The following STARD13 variants were observed in gnomAD, a reference collection of about 807,000 sequenced individuals.
STARD13 encodes StAR related lipid transfer domain containing 13.
In STARD13, 62 loss-of-function variants were observed where a neutral mutation model predicts 106.4. That is an observed-to-expected ratio of 0.58 (90% confidence interval 0.48 to 0.72). The LOEUF (loss-of-function observed/expected upper bound fraction) is 0.72, where lower values mean the gene tolerates loss of function less well. STARD13 is among the 30% of genes least tolerant of loss of function. STARD13 has a pLI of 0.00. For missense variants in STARD13, 1,387 were observed against 1,424.0 expected (o/e 0.97, Z 0.42); for synonymous variants, 565 against 553.0 (o/e 1.02, Z -0.31).
chr13:33,652,570 C>T, the STARD13 span, among the ~76,000 whole-genome samples: 1 of 152,150 alleles, frequency 6.6e-6, no homozygotes, highest in African/African-American at 2.4e-5. Flanking sequence ...GCTATAAAAA[C>T]ACATGAATTC....
At position 33,117,815 on chromosome 13, in the gene STARD13, C is replaced by T. The variant is rs967657740; in HGVS notation, c.2281+250G>A. 22 of 982,732 alleles carry T rather than the reference C, an allele frequency of 2.2e-5. No individual in the cohort carries two copies. In the African/African-American group the frequency reaches 2.6e-4, roughly 12 times the overall value. 60.9% of individuals were successfully genotyped at this position (982,732 alleles called of 1,614,324 possible). Reference sequence around the variant, plus strand: ...AATGTATTGAAAGTTTGTTTTAGATCATACACAAAACTCTTTTGAGAAGGA... The same window carrying T: ...AATGTATTGAAAGTTTGTTTTAGATTATACACAAAACTCTTTTGAGAAGGA... On this transcript the variant is annotated intron_variant, in intron 8 of 13. Transcript: ENST00000336934.
At chr13:33,128,315 G>A (rs1877554001) in intron 5 of STARD13, among the ~76,000 whole-genome samples, 1 of 152,154 alleles carries the variant, frequency 6.6e-6, no homozygotes, top group Non-Finnish European at 1.5e-5. Flanking sequence ...TTGAGATGGA[G>A]CCCGAAGATG....
the STARD13 span, among the ~76,000 whole-genome samples, chr13:33,481,129 A>T: frequency 6.6e-6 from 1 of 152,144 alleles, no homozygotes; most frequent in African/African-American, 2.4e-5. Flanking sequence ...ATTTTGAAAA[A>T]TGGTAAATGA....
intron 1 of STARD13, among the ~76,000 whole-genome samples, chr13:33,308,516 CTTTCT>C (rs1893002223): frequency 1.1e-5 from 1 of 90,812 alleles, no homozygotes; most frequent in African/African-American, 3.5e-5. Flanking sequence ...TTTTCTTTTT[CTTTCT>C]TTTTTTTTTT....
chr13:33,511,980 C>A, the STARD13 span, among the ~76,000 whole-genome samples: 1 of 152,132 alleles, frequency 6.6e-6, no homozygotes, highest in Non-Finnish European at 1.5e-5. Context: ...AGCTCAGAGG[C>A]ACTTGTTTAA....
chr13:33,370,603 C>CT, the STARD13 span, among the ~76,000 whole-genome samples: 14 of 144,864 alleles, frequency 9.7e-5, no homozygotes, highest in East Asian at 2.2e-3. Context: ...CTTTTCTTTT[C>CT]TTTCTTTCTT....
chr13:33,542,111 T>C, the STARD13 span, among the ~76,000 whole-genome samples: 1 of 152,206 alleles, frequency 6.6e-6, no homozygotes, highest in African/African-American at 2.4e-5. Context: ...GAAGACATGC[T>C]TTCTTAAATA....
At chr13:33,188,727 A>T (rs916068677) in intron 1 of STARD13, among the ~76,000 whole-genome samples, 1 of 152,228 alleles carries the variant, frequency 6.6e-6, no homozygotes, top group African/African-American at 2.4e-5. Context: ...AAATGCATTG[A>T]AAAAGCAGTT....
the STARD13 span, among the ~76,000 whole-genome samples, chr13:33,461,212 CT>C: frequency 1.3e-5 from 2 of 152,276 alleles, no homozygotes; most frequent in African/African-American, 4.8e-5. Context: ...AAATTGTACA[CT>C]TTAAATATGT....
chr13:33,248,477 G>A lies in STARD13; in HGVS notation c.169+36993C>T, dbSNP rs573257160. Among the ~76,000 whole-genome samples the A allele has an allele frequency of 1.2e-4, 19 of 152,344 alleles. No individual in the cohort carries two copies. The East Asian group carries it at 3.7e-3, about 29-fold the overall frequency. ...GGCATGTGAGAGCATTAAGAGATTT[G>A]TGAGCTGTAGCTTCCAGTGTTACCT... On this transcript the variant is annotated intron_variant, in intron 1 of 13. Transcript: ENST00000336934.
rs749453297 is a variant in STARD13 at position 33,129,346 on chromosome 13, G to C, written c.1331C>G (p.Pro444Arg). ...GREQVPGARE[P>R]RLMASCHRAS... ...TCTGTGGCAGGACGCCATGAGCCGG[G>C]GCTCCCTGGCACCAGGGACCTGCTC... Residue 444 changes from proline to arginine, a missense_variant, in exon 5 of 14, where the codon CCC (proline) becomes CGC (arginine). By Grantham distance (103) the Pro-to-Arg change is moderately radical (BLOSUM62 -2). Transcript: ENST00000336934. 6.2e-7 allele frequency: 1 copy of C among 1,614,144 alleles called. No individual in the cohort carries two copies. The highest frequency in any genetic ancestry group is 8.5e-7 in the Non-Finnish European group (1 of 1,180,030).
chr13:33,589,015 A>G, the STARD13 span, among the ~76,000 whole-genome samples: 60 of 152,174 alleles, frequency 3.9e-4, no homozygotes, highest in African/African-American at 1.1e-3. Flanking sequence ...TTTGCTTACT[A>G]TTCTCTAAAC....
chr13:33,188,734 A>C (rs1397790315), intron 1 of STARD13, among the ~76,000 whole-genome samples: 1 of 152,256 alleles, frequency 6.6e-6, no homozygotes, highest in Non-Finnish European at 1.5e-5. Context: ...TTGAAAAAGC[A>C]GTTTGGAGTG....
At chr13:33,293,199 C>G (rs1262726536) in intron 1 of STARD13, among the ~76,000 whole-genome samples, 1 of 152,108 alleles carries the variant, frequency 6.6e-6, no homozygotes, top group African/African-American at 2.4e-5. Context: ...CATATGTATT[C>G]GCTCATGGAC....
chr13:33,530,796 ATTC>A, the STARD13 span, among the ~76,000 whole-genome samples: 1 of 152,194 alleles, frequency 6.6e-6, no homozygotes, highest in African/African-American at 2.4e-5. Context: ...TGATATGTTA[ATTC>A]TTTTTTCATC....
chr13:33,113,671 G>T, intron 8 of STARD13: 1 of 455,014 alleles, frequency 2.2e-6, no homozygotes, highest in South Asian at 1.6e-5. Flanking sequence ...TGGAGAAGAA[G>T]AACCAGGCAG....
At chr13:33,458,652 A>C in the STARD13 span, among the ~76,000 whole-genome samples, 3 of 152,134 alleles carry the variant, frequency 2.0e-5, no homozygotes, top group Admixed American at 1.3e-4. Flanking sequence ...ATTAGAATCC[A>C]GCAATTCCTG....
At position 33,142,362 on chromosome 13, in the gene STARD13, G is replaced by A. The variant is rs778437850; in HGVS notation, c.335C>T (p.Thr112Met). The part of the protein sequence containing the change: ...LVEPLCRRLN[T>M]LNKCASMKLD... ...TTTCATTGAGGCACACTTGTTCAAC[G>A]TATTTAGTCGTCTAAAAGGAAAGAA... Residue 112 changes from threonine (T) to methionine (M), a missense_variant, in exon 4 of 14, where the codon ACG (threonine) becomes ATG (methionine). By Grantham distance (81) the Thr-to-Met change is moderately conservative. Coordinates refer to ENST00000336934, the MANE Select transcript of STARD13 (RefSeq NM_178006.4). 4.3e-6 allele frequency: 7 copies of A among 1,613,702 alleles called. No individual in the cohort carries two copies. Among genetic ancestry groups the A allele is most frequent in the East Asian group, 2.2e-5 (1 of 44,884 alleles).
chr13:33,589,998 A>G, the STARD13 span, among the ~76,000 whole-genome samples: 1 of 152,114 alleles, frequency 6.6e-6, no homozygotes, highest in African/African-American at 2.4e-5. Flanking sequence ...TTGGGTGCAT[A>G]TATATTTAGG....
Sources: allele counts gnomAD v4.1 joint callset (sites outside exome capture counted in the v4.1 genomes callset), GRCh38; gene constraint gnomAD v4.1.1; transcripts MANE v1.5; gene names NCBI Gene and HGNC (gene_info 2026-07-23, HGNC 2026-07-21).